The following NRM variants were observed in gnomAD, a reference collection of about 807,000 sequenced individuals.
The protein encoded by NRM is nurim, also known as nuclear rim protein.
Under a neutral mutation model 23.4 loss-of-function variants are expected in NRM, and 19 were observed. That is an observed-to-expected ratio of 0.81 (90% confidence interval 0.57 to 1.19). NRM has a LOEUF of 1.19. Among genes scored for constraint, NRM ranks in the 50% most tolerant of loss-of-function variants. NRM has a pLI of 0.00. For synonymous variants in NRM, 140 were observed against 143.5 expected (o/e 0.98, Z 0.17); for missense variants, 232 against 329.7 (o/e 0.70, Z 2.30).
rs547236372 is a variant in NRM at position 30,690,941 on chromosome 6, G to A, written c.34C>T (p.Leu12Phe). The change falls in exon 1 of 4, where the codon CTC becomes TTC. Residue 12 changes from leucine (L) to phenylalanine (F), a missense_variant. By Grantham distance (22) the Leu-to-Phe change is conservative. Transcript: ENST00000376421. This position sits in a 1 kb window ranked among gnomAD's most constrained non-coding sequence, Gnocchi z 5.5. ...APALLLIPAA[L>F]ASFILAFGTG... The stretch of plus-strand genomic sequence containing the variant: ...CCAAAGGCCAGGATGAAAGAGGCGA[G>A]GGCAGCAGGGATCAGGAGCAGTGCA... 2 of 1,613,086 alleles carry A rather than the reference G, an allele frequency of 1.2e-6. No individual in the cohort carries two copies. Among genetic ancestry groups the A allele is most frequent in the Non-Finnish European group, 1.7e-6 (2 of 1,180,010 alleles).
In NRM at chr6:30,690,461, ACC is replaced by A. The variant is rs1161910320; in HGVS notation, c.134-220_134-219del. ...ACCTGGGGAAGAGGATTTATAGAAC[ACC>A]ACATGTTAGGCAGTTGCAAAAAGCA... On this transcript the variant is annotated intron_variant, in intron 1 of 3. Transcript: ENST00000376421. This position sits in a 1 kb window ranked among gnomAD's most constrained non-coding sequence, Gnocchi z 5.5. The A allele has an allele frequency of 1.0e-5, 13 of 1,291,316 alleles. No homozygotes were observed. In the East Asian group the frequency reaches 1.0e-4, roughly 10 times the overall value. 80.0% of individuals were successfully genotyped at this position (1,291,316 alleles called of 1,614,324 possible).
In NRM at chr6:30,688,754, G is replaced by A. The variant is rs899621108; in HGVS notation, c.696C>T (p.His232=). Residue 232 remains histidine (H), a synonymous_variant, in exon 4 of 4, where the codon CAC becomes CAT. Coordinates refer to ENST00000376421, the MANE Select transcript of NRM (RefSeq NM_001384369.1). The surrounding 1 kb of genome is among the most constrained non-coding windows in gnomAD (Gnocchi z 5.9). The part of the protein sequence containing the change: ...FLLTLYLGLA[H]GLDQQDLRYL... ...AGCGGAGGTCTTGCTGATCAAGCCC[G>A]TGAGCCAGGCCCAGGTAGAGGGTAA... is the stretch of plus-strand genomic sequence containing the variant. The A allele has an allele frequency of 3.1e-6, 5 of 1,613,928 alleles. No homozygotes were observed. Among genetic ancestry groups the A allele is most frequent in the East Asian group, 2.2e-5 (1 of 44,846 alleles).
In NRM at chr6:30,690,537, A is replaced by C. The variant is rs1771501787; in HGVS notation, c.134-294T>G. ...TGCCCCTCTTACTTCGGTTCTCCAA[A>C]TGCTCCTTCTTTTTAACACTCTCCT... On this transcript the variant is annotated intron_variant, in intron 1 of 3. Coordinates refer to ENST00000376421, the MANE Select transcript of NRM (RefSeq NM_001384369.1). This position sits in a 1 kb window ranked among gnomAD's most constrained non-coding sequence, Gnocchi z 5.5. 2 of 1,538,416 alleles carry C rather than the reference A, an allele frequency of 1.3e-6. No individual in the cohort carries two copies. Among genetic ancestry groups the C allele is most frequent in the African/African-American group, 2.8e-5 (2 of 72,668 alleles).
rs1483842661 is a variant in NRM, at chr6:30,688,465, C to T, written c.*196G>A. 10 of 637,102 alleles carry T rather than the reference C, an allele frequency of 1.6e-5. No individual in the cohort carries two copies. The highest frequency in any genetic ancestry group is 8.5e-4 in the Middle Eastern group (2 of 2,346). 39.5% of individuals were successfully genotyped at this position (637,102 alleles called of 1,614,324 possible). On this transcript the variant is annotated 3_prime_UTR_variant, in exon 4 of 4. Transcript: ENST00000376421. This position sits in a 1 kb window ranked among gnomAD's most constrained non-coding sequence, Gnocchi z 5.9. Reference sequence around the variant, plus strand: ...TCTTCCTTGCTGGTGAGAAGTGGACCTTGGAGTTCAGTGGCTGAAACTCAG... The same window carrying T: ...TCTTCCTTGCTGGTGAGAAGTGGACTTTGGAGTTCAGTGGCTGAAACTCAG...
At chr6:30,691,335 T>G (rs912281224), upstream of NRM, 1 of 227,210 alleles carries the variant, frequency 4.4e-6, no homozygotes, top group Non-Finnish European at 8.9e-6. Flanking sequence ...ATGGAATACA[T>G]TGTACAGAAT....
Position 30,689,470 on chromosome 6 carries a change from G to C in NRM, c.331-18C>G, listed in dbSNP as rs1414269043. On this transcript the variant is annotated intron_variant, in intron 2 of 3. Coordinates refer to ENST00000376421, the MANE Select transcript of NRM (RefSeq NM_001384369.1). The surrounding 1 kb of genome is among the most constrained non-coding windows in gnomAD (Gnocchi z 4.7). ...ATCACCAGCTGTGGAAGGATAAGGG[G>C]CTGGGTATCCCAGTGGCCTAGTCTG... 6.4e-7 allele frequency: 1 copy of C among 1,555,250 alleles called. No homozygotes were observed. Among genetic ancestry groups the C allele is most frequent in the East Asian group, 2.4e-5 (1 of 41,534 alleles).
Position 30,689,223 on chromosome 6 carries a change from C to T in NRM, c.507+53G>A, listed in dbSNP as rs895693525. 1.0e-5 allele frequency: 15 copies of T among 1,483,112 alleles called. No individual in the cohort carries two copies. In the African/African-American group the frequency reaches 1.4e-4, roughly 14 times the overall value. The allele number at this position is 1,483,112 out of a possible 1,614,324, so 91.9% of individuals were successfully genotyped here. On this transcript the variant is annotated intron_variant, in intron 3 of 3. Transcript: ENST00000376421. This position sits in a 1 kb window ranked among gnomAD's most constrained non-coding sequence, Gnocchi z 4.7. Reference sequence around the variant, plus strand: ...GAGGAGGGAAACCCTTGAAAGGGAACGAGGAGTTCTAAAATGGGTCAGAGG... The same window carrying T: ...GAGGAGGGAAACCCTTGAAAGGGAATGAGGAGTTCTAAAATGGGTCAGAGG...
Position 30,689,374 on chromosome 6 carries a change from C to T in NRM, c.409G>A (p.Val137Met). 1 of 1,562,008 alleles carries T rather than the reference C, an allele frequency of 6.4e-7. No individual in the cohort carries two copies. Among genetic ancestry groups the T allele is most frequent in the Non-Finnish European group, 8.7e-7 (1 of 1,152,942 alleles). ...EARAEPWATW[V>M]PLLCFVLHVI... is the part of the protein sequence containing the mutation. Reference sequence around the variant, plus strand: ...TGGAGCACAAAGCAGAGGAGCGGCACCCAGGTGGCCCATGGCTCAGCCCGA... The same window carrying T: ...TGGAGCACAAAGCAGAGGAGCGGCATCCAGGTGGCCCATGGCTCAGCCCGA... The change falls in exon 3 of 4, where the codon GTG becomes ATG. Residue 137 changes from valine (V) to methionine (M), a missense_variant. Coordinates refer to ENST00000376421, the MANE Select transcript of NRM (RefSeq NM_001384369.1). This position sits in a 1 kb window ranked among gnomAD's most constrained non-coding sequence, Gnocchi z 4.7.
rs955159223 is a variant in NRM, at chr6:30,689,796, G to C, written c.330+251C>G. On this transcript the variant is annotated intron_variant, in intron 2 of 3. Transcript: ENST00000376421. The surrounding 1 kb of genome is among the most constrained non-coding windows in gnomAD (Gnocchi z 4.7). The stretch of plus-strand genomic sequence containing the variant: ...AAGAAAGGGTAGGACTGAAGAGAAG[G>C]GATCTCAAGCAGGACATAAACAAAG... Among the ~76,000 whole-genome samples the C allele has an allele frequency of 5.9e-5, 9 of 152,150 alleles. No homozygotes were observed. Among genetic ancestry groups the C allele is most frequent in the Admixed American group, 3.3e-4 (5 of 15,276 alleles).
In NRM at chr6:30,688,397, C is replaced by A; in HGVS notation, c.*264G>T. ...AGGAGGCTGTTGAGGGGGAGAGTGT[C>A]ATGCTCTAAACAGTGAAGGGACAGA... On this transcript the variant is annotated 3_prime_UTR_variant, in exon 4 of 4. Coordinates refer to ENST00000376421, the MANE Select transcript of NRM (RefSeq NM_001384369.1). The surrounding 1 kb of genome is among the most constrained non-coding windows in gnomAD (Gnocchi z 5.9). The A allele has an allele frequency of 1.8e-6, 1 of 561,188 alleles. No homozygotes were observed. The highest frequency in any genetic ancestry group is 2.3e-5 in the South Asian group (1 of 43,830). The allele number at this position is 561,188 out of a possible 1,614,324, so 34.8% of individuals were successfully genotyped here.
Position 30,689,127 on chromosome 6 carries a change from G to A in NRM, c.507+149C>T, listed in dbSNP as rs994947651. The A allele has an allele frequency of 3.8e-6, 4 of 1,060,846 alleles. No homozygotes were observed. The highest frequency in any genetic ancestry group is 2.8e-5 in the Admixed American group (1 of 35,806). The allele number at this position is 1,060,846 out of a possible 1,614,324, so 65.7% of individuals were successfully genotyped here. A position where few individuals can be genotyped will look rare whatever the true frequency, so the allele number is the denominator to read the frequency against. ...CCCCAGGCCCAGGAGGCCCATGCTTGCTGCCCTTACGAGGGAAAGTCAAAG... is the reference window on the plus strand; with the variant it reads ...CCCCAGGCCCAGGAGGCCCATGCTTACTGCCCTTACGAGGGAAAGTCAAAG... On this transcript the variant is annotated intron_variant, in intron 3 of 3. Transcript: ENST00000376421. This position sits in a 1 kb window ranked among gnomAD's most constrained non-coding sequence, Gnocchi z 4.7.
Position 30,688,586 on chromosome 6 carries a change from A to C in NRM, c.*75T>G, listed in dbSNP as rs578159411. On this transcript the variant is annotated 3_prime_UTR_variant, in exon 4 of 4. Coordinates refer to ENST00000376421, the MANE Select transcript of NRM (RefSeq NM_001384369.1). This position sits in a 1 kb window ranked among gnomAD's most constrained non-coding sequence, Gnocchi z 5.9. ...TGGATTTGGGCCTCTGGCATGAAGCAGCCAGGGCCTGGATGTTAAGGATTT... is the reference window on the plus strand; with the variant it reads ...TGGATTTGGGCCTCTGGCATGAAGCCGCCAGGGCCTGGATGTTAAGGATTT... 9 of 1,526,354 alleles carry C rather than the reference A, an allele frequency of 5.9e-6. No individual in the cohort carries two copies. The South Asian group carries it at 1.1e-4, about 19-fold the overall frequency. 94.6% of individuals were successfully genotyped at this position (1,526,354 alleles called of 1,614,324 possible). A position where few individuals can be genotyped will look rare whatever the true frequency, so the allele number is the denominator to read the frequency against.
In NRM at chr6:30,688,218, A is replaced by C; in HGVS notation, c.*443T>G. 2 of 182,526 alleles carry C rather than the reference A, an allele frequency of 1.1e-5. No homozygotes were observed. The highest frequency in any genetic ancestry group is 2.3e-5 in the Non-Finnish European group (2 of 85,308). 11.3% of individuals were successfully genotyped at this position (182,526 alleles called of 1,614,324 possible). A position where few individuals can be genotyped will look rare whatever the true frequency, so the allele number is the denominator to read the frequency against. On this transcript the variant is annotated 3_prime_UTR_variant, in exon 4 of 4. Coordinates refer to ENST00000376421, the MANE Select transcript of NRM (RefSeq NM_001384369.1). The surrounding 1 kb of genome is among the most constrained non-coding windows in gnomAD (Gnocchi z 5.9). ...GACTAGGGCCGGGAGTGGTGAGGCA[A>C]GGTTGGGGCCTGGAGGGACAGCTAT...
In NRM at chr6:30,689,315, A is replaced by C. The variant is rs367915153; in HGVS notation, c.468T>G (p.Leu156=). Reference sequence around the variant, plus strand: ...TGAGCTCAGCATAGTCAAAGACGAGAAGGATGCTAAAGATGAGGAGCCAGG... The same window carrying C: ...TGAGCTCAGCATAGTCAAAGACGAGCAGGATGCTAAAGATGAGGAGCCAGG... ...VISWLLIFSI[L]LVFDYAELMG... is the part of the protein sequence containing the mutation. Residue 156 remains leucine, a synonymous_variant, in exon 3 of 4, where the codon CTT becomes CTG. Transcript: ENST00000376421. This position sits in a 1 kb window ranked among gnomAD's most constrained non-coding sequence, Gnocchi z 4.7. 6.4e-7 allele frequency: 1 copy of C among 1,554,826 alleles called. No homozygotes were observed. Among genetic ancestry groups the C allele is most frequent in the African/African-American group, 1.4e-5 (1 of 73,236 alleles).
chr6:30,689,470 G>A lies in NRM; in HGVS notation c.331-18C>T. On this transcript the variant is annotated intron_variant, in intron 2 of 3. Coordinates refer to ENST00000376421, the MANE Select transcript of NRM (RefSeq NM_001384369.1). The surrounding 1 kb of genome is among the most constrained non-coding windows in gnomAD (Gnocchi z 4.7). ...ATCACCAGCTGTGGAAGGATAAGGG[G>A]CTGGGTATCCCAGTGGCCTAGTCTG... 6.4e-7 allele frequency: 1 copy of A among 1,555,250 alleles called. No individual in the cohort carries two copies. The highest frequency in any genetic ancestry group is 8.7e-7 in the Non-Finnish European group (1 of 1,150,278).
chr6:30,689,984 A>G lies in NRM; in HGVS notation c.330+63T>C. 1 of 1,533,990 alleles carries G rather than the reference A, an allele frequency of 6.5e-7. No homozygotes were observed. On this transcript the variant is annotated intron_variant, in intron 2 of 3. Transcript: ENST00000376421. The surrounding 1 kb of genome is among the most constrained non-coding windows in gnomAD (Gnocchi z 4.7). ...CTCCAATCCACGGCACCCCTCCCAC[A>G]CTTGGTCTCCCTTGGGGACTCAACT...
chr6:30,690,611 C>A lies in NRM; in HGVS notation c.133+231G>T, dbSNP rs1464101901. On this transcript the variant is annotated intron_variant, in intron 1 of 3. Coordinates refer to ENST00000376421, the MANE Select transcript of NRM (RefSeq NM_001384369.1). The surrounding 1 kb of genome is among the most constrained non-coding windows in gnomAD (Gnocchi z 5.5). ...ACTTTACTTAGAATACTCCGGTCAC[C>A]GCCCTTTTCGGCTCCCTCAGTCCTC... is the stretch of plus-strand genomic sequence containing the variant. The A allele has an allele frequency of 1.3e-6, 2 of 1,550,894 alleles. No homozygotes were observed. Among genetic ancestry groups the A allele is most frequent in the Admixed American group, 3.9e-5 (2 of 51,306 alleles).
At chr6:30,691,102 T>G, upstream of NRM, 2 of 1,096,822 alleles carry the variant, frequency 1.8e-6, no homozygotes, top group East Asian at 5.2e-5. Flanking sequence ...ACCGCCAGGC[T>G]TCCGGCCCGC....
At position 30,689,964 on chromosome 6, in the gene NRM, A is replaced by G. The variant is rs1771420564; in HGVS notation, c.330+83T>C. Reference sequence around the variant, plus strand: ...CCTGAACCCATATTTTGCCCCTCCAATCCACGGCACCCCTCCCACACTTGG... The same window carrying G: ...CCTGAACCCATATTTTGCCCCTCCAGTCCACGGCACCCCTCCCACACTTGG... On this transcript the variant is annotated intron_variant, in intron 2 of 3. Coordinates refer to ENST00000376421, the MANE Select transcript of NRM (RefSeq NM_001384369.1). This position sits in a 1 kb window ranked among gnomAD's most constrained non-coding sequence, Gnocchi z 4.7. 4 of 1,468,448 alleles carry G rather than the reference A, an allele frequency of 2.7e-6. No homozygotes were observed. The highest frequency in any genetic ancestry group is 3.7e-6 in the Non-Finnish European group (4 of 1,089,026). The allele number at this position is 1,468,448 out of a possible 1,614,324, so 91.0% of individuals were successfully genotyped here.
Sources: allele counts gnomAD v4.1 joint callset (sites outside exome capture counted in the v4.1 genomes callset), GRCh38; gene constraint gnomAD v4.1.1; non-coding constraint Gnocchi (gnomAD v3.1); transcripts MANE v1.5; gene names NCBI Gene and HGNC (gene_info 2026-07-23, HGNC 2026-07-21).